SLC25A13: variants seen among roughly 807,000 people sequenced by gnomAD.
The protein encoded by SLC25A13 is electrogenic aspartate/glutamate antiporter SLC25A13, mitochondrial.
A neutral mutation model predicts 85.5 loss-of-function variants in SLC25A13; 70 were observed. That is an observed-to-expected ratio of 0.82 (90% confidence interval 0.68 to 1.00). SLC25A13 has a LOEUF of 1.00. SLC25A13 is among the 50% of genes least tolerant of loss of function. The pLI is 0.00. For missense variants in SLC25A13, 765 were observed against 819.8 expected (o/e 0.93, Z 0.82); for synonymous variants, 259 against 288.7 (o/e 0.90, Z 1.04).
chr7:96,241,076 AAGAAAGAAAGAAAGAAAG>A (rs1796973408), intron 3 of SLC25A13, among the ~76,000 whole-genome samples: 1 of 150,222 alleles, frequency 6.7e-6, no homozygotes, highest in Non-Finnish European at 1.5e-5. Flanking sequence ...GAAAGAAAGA[AAGAAAGAAAGAAAGAAAG>A]AAAGAAAGAA....
rs748759601 is a variant in SLC25A13, at chr7:96,191,245, A to G, written c.618T>C (p.Ala206=). Residue 206 remains alanine (A), a splice_region_variant and synonymous_variant, in exon 7 of 18, where the codon GCT becomes GCC. Coordinates refer to ENST00000265631, the MANE Select transcript of SLC25A13 (RefSeq NM_014251.3). ...CTTGATGGGATGTGGTACCTCCAGC[A>G]GCCTCAAATAAATTGAAAACAAGAG... The part of the protein sequence containing the change: ...TPFVEECLVA[A]AGGTTSHQVS... 4 of 1,613,926 alleles carry G rather than the reference A, an allele frequency of 2.5e-6. No individual in the cohort carries two copies. Among genetic ancestry groups the G allele is most frequent in the South Asian group, 1.1e-5 (1 of 91,082 alleles).
chr7:96,180,614 C>A (rs1224130745), intron 11 of SLC25A13, among the ~76,000 whole-genome samples: 3 of 152,254 alleles, frequency 2.0e-5, no homozygotes, highest in African/African-American at 7.2e-5. Context: ...CAGGCATAAG[C>A]CACCGTACCC....
At chr7:96,236,561 C>A (rs906394331) in intron 3 of SLC25A13, among the ~76,000 whole-genome samples, 12 of 152,176 alleles carry the variant, frequency 7.9e-5, no homozygotes, top group African/African-American at 2.9e-4. Flanking sequence ...AATTTTAAAG[C>A]TGAGAAGATC....
chr7:96,170,862 C>T (rs1016029409), intron 12 of SLC25A13, among the ~76,000 whole-genome samples: 3 of 152,140 alleles, frequency 2.0e-5, no homozygotes, highest in African/African-American at 4.8e-5. Context: ...ATTCCACAAA[C>T]GCTTAAACTG....
intron 14 of SLC25A13, among the ~76,000 whole-genome samples, chr7:96,142,019 A>G (rs1179491119): frequency 1.3e-5 from 2 of 152,250 alleles, no homozygotes; most frequent in African/African-American, 4.8e-5. Flanking sequence ...AAAAATTTCC[A>G]TAGTTATTAA....
intron 3 of SLC25A13, among the ~76,000 whole-genome samples, chr7:96,262,254 A>C (rs923522176): frequency 1.3e-5 from 2 of 152,190 alleles, no homozygotes; most frequent in Non-Finnish European, 2.9e-5. Flanking sequence ...AAACACCTAC[A>C]GTCTAGATCA....
At chr7:96,217,747 T>A (rs1223048669) in intron 4 of SLC25A13, among the ~76,000 whole-genome samples, 2 of 152,056 alleles carry the variant, frequency 1.3e-5, no homozygotes, top group South Asian at 2.1e-4. Context: ...AAGGGAGTGG[T>A]GATTGCTAAG....
chr7:96,302,649 G>A (rs1799593603), intron 1 of SLC25A13, among the ~76,000 whole-genome samples: 1 of 152,274 alleles, frequency 6.6e-6, no homozygotes, highest in East Asian at 1.9e-4. Flanking sequence ...CAAAGATCAG[G>A]AAACAAAGTA....
chr7:96,175,599 G>C (rs905162414), intron 11 of SLC25A13, among the ~76,000 whole-genome samples: 1 of 152,228 alleles, frequency 6.6e-6, no homozygotes, highest in Non-Finnish European at 1.5e-5. Flanking sequence ...GTTCCACCCA[G>C]GCTGTCCGAC....
intron 13 of SLC25A13, among the ~76,000 whole-genome samples, chr7:96,160,613 A>C (rs1793470531): frequency 6.6e-6 from 1 of 152,124 alleles, no homozygotes; most frequent in Non-Finnish European, 1.5e-5. Flanking sequence ...CCCTTTTATA[A>C]GGGCACTAAT....
intron 1 of SLC25A13, among the ~76,000 whole-genome samples, chr7:96,303,586 C>A (rs1289459273): frequency 2.6e-5 from 4 of 152,184 alleles, no homozygotes; most frequent in African/African-American, 9.7e-5. Context: ...TCCCAGACTC[C>A]CTTGCTGCTA....
rs191476130 is a variant in SLC25A13, at chr7:96,151,239, A to C, written c.1312-4543T>G. Among the ~76,000 whole-genome samples the C allele has an allele frequency of 5.3e-5, 8 of 152,330 alleles. No individual in the cohort carries two copies. The East Asian group carries it at 1.5e-3, about 29-fold the overall frequency. On this transcript the variant is annotated intron_variant, in intron 13 of 17. Transcript: ENST00000265631. The stretch of plus-strand genomic sequence containing the variant: ...TAATTATGATGAGATCAACATCATC[A>C]TCCTCTAGCATTTATTGAGGCTCCT...
intron 4 of SLC25A13, among the ~76,000 whole-genome samples, chr7:96,232,869 G>C (rs1249530220): frequency 6.6e-6 from 1 of 152,184 alleles, no homozygotes; most frequent in Non-Finnish European, 1.5e-5. Context: ...GTAAGAAGCA[G>C]AAACAAAATC....
intron 1 of SLC25A13, among the ~76,000 whole-genome samples, chr7:96,317,772 ATTTTAT>A (rs1800183834): frequency 6.8e-6 from 1 of 146,986 alleles, no homozygotes; most frequent in African/African-American, 2.5e-5. Context: ...ATTTTATTCT[ATTTTAT>A]TTTATTTTAT....
intron 3 of SLC25A13, among the ~76,000 whole-genome samples, chr7:96,247,760 G>A (rs1428922738): frequency 1.3e-5 from 2 of 152,106 alleles, no homozygotes; most frequent in East Asian, 3.9e-4. Context: ...TGTACAATGT[G>A]TTATTTTTAT....
chr7:96,199,723 C>T (rs1422945787), intron 5 of SLC25A13, among the ~76,000 whole-genome samples: 8 of 151,968 alleles, frequency 5.3e-5, no homozygotes, highest in Non-Finnish European at 1.5e-5. Flanking sequence ...GCTTTTATTG[C>T]AGCAGTTTCC....
In SLC25A13 at chr7:96,322,091, G is replaced by A; in HGVS notation, c.-135C>T. On this transcript the variant is annotated 5_prime_UTR_variant, in exon 1 of 18. Transcript: ENST00000265631. ...TACGGCCAGGCAGCGTGCGTTCCTG[G>A]CCTGCCTCCCCACGCCCTCCCGCCG... 7.9e-7 allele frequency: 1 copy of A among 1,269,470 alleles called. No individual in the cohort carries two copies. Among genetic ancestry groups the A allele is most frequent in the Non-Finnish European group, 1.1e-6 (1 of 913,524 alleles). 78.6% of individuals were successfully genotyped at this position (1,269,470 alleles called of 1,614,324 possible). A position where few individuals can be genotyped will look rare whatever the true frequency, so the allele number is the denominator to read the frequency against.
chr7:96,167,081 TC>T (rs984882408), intron 13 of SLC25A13: 18 of 152,214 alleles, frequency 1.2e-4, no homozygotes, highest in African/African-American at 4.3e-4. Flanking sequence ...TCGAGTTTTG[TC>T]TTAAAACATG....
intron 15 of SLC25A13, among the ~76,000 whole-genome samples, chr7:96,127,219 C>T (rs577597641): frequency 1.3e-5 from 2 of 151,994 alleles, no homozygotes; most frequent in East Asian, 1.9e-4. Flanking sequence ...TATTGAAATG[C>T]CCTTCATTAA....
Sources: allele counts gnomAD v4.1 joint callset (sites outside exome capture counted in the v4.1 genomes callset), GRCh38; gene constraint gnomAD v4.1.1; transcripts MANE v1.5; gene names NCBI Gene and HGNC (gene_info 2026-07-23, HGNC 2026-07-21).